The following POTEI variants were observed in gnomAD, a reference collection of about 807,000 sequenced individuals.
POTEI encodes POTE ankyrin domain family member I, also known as POTE ankyrin domain family, member I.
Under a neutral mutation model 43.4 loss-of-function variants are expected in POTEI, and 14 were observed. The observed-to-expected ratio is 0.32, with a 90% CI of 0.21 to 0.50. POTEI has a LOEUF of 0.50. Ranked by LOEUF, POTEI falls within the 20% of genes least tolerant of loss-of-function variation. The pLI is 0.98. For synonymous variants in POTEI, 95 were observed against 297.9 expected (o/e 0.32, Z 7.01); for missense variants, 235 against 795.4 (o/e 0.30, Z 8.47).
chr2:130,497,649 A>T (rs1291189397), intron 5 of POTEI: 2 of 47,440 alleles, frequency 4.2e-5, no homozygotes, highest in Non-Finnish European at 1.1e-4. Context: ...AGAAATCACA[A>T]TTTCAATATT....
rs200194598 is a variant in POTEI at position 130,483,708 on chromosome 2, C to G, written c.1410-1635G>C. On this transcript the variant is annotated intron_variant, in intron 9 of 14. Transcript: ENST00000451531. Reference sequence around the variant, plus strand: ...CTCCTGGGTTCATGCCATTCTCCTGCCTCAGCCTCCATAGCAGCTGGGACT... The same window carrying G: ...CTCCTGGGTTCATGCCATTCTCCTGGCTCAGCCTCCATAGCAGCTGGGACT... 7.5e-5 allele frequency among the ~76,000 whole-genome samples: 11 copies of G among 146,440 alleles called. No individual in the cohort carries two copies. The East Asian group carries it at 2.0e-3, about 27-fold the overall frequency.
In POTEI at chr2:130,494,006, C is replaced by T; in HGVS notation, c.1126+2546G>A. Among the ~76,000 whole-genome samples, 2 of 42,716 alleles carry T rather than the reference C, an allele frequency of 4.7e-5. 1 individual carries two copies. The highest frequency in any genetic ancestry group is 1.1e-4 in the Non-Finnish European group (2 of 18,318). The allele number at this position is 42,716 out of a possible 152,430, so 28.0% of individuals were successfully genotyped here. A position where few individuals can be genotyped will look rare whatever the true frequency, so the allele number is the denominator to read the frequency against. On this transcript the variant is annotated intron_variant, in intron 6 of 14. Transcript: ENST00000451531. ...ACTACTGCAAAAACTTCCTTTGTCT[C>T]CTGGTTTCTTTACATGGTAAAGAAC...
At chr2:130,493,028 T>C (rs1390668917) in intron 6 of POTEI, among the ~76,000 whole-genome samples, 2 of 142,086 alleles carry the variant, frequency 1.4e-5, no homozygotes, top group African/African-American at 5.1e-5. Context: ...TTGCTTTGTT[T>C]AAAGGAAGAA....
chr2:130,461,030 G>C lies in POTEI; in HGVS notation c.*1786C>G, dbSNP rs899577609. On this transcript the variant is annotated 3_prime_UTR_variant, in exon 15 of 15. Coordinates refer to ENST00000451531, the MANE Select transcript of POTEI (RefSeq NM_001277406.2). ...GTCCCTAATTGCCTTGTATTTTCCA[G>C]GGAAGATGATAGTCTGCCCCTTCCT... 2.0e-4 allele frequency: 30 copies of C among 150,450 alleles called. No individual in the cohort carries two copies. The highest frequency in any genetic ancestry group is 4.0e-4 in the African/African-American group (16 of 40,020). 9.3% of individuals were successfully genotyped at this position (150,450 alleles called of 1,614,324 possible). A position where few individuals can be genotyped will look rare whatever the true frequency, so the allele number is the denominator to read the frequency against.
rs1321793393 is a variant in POTEI at position 130,486,584 on chromosome 2, C to T, written c.1409+1448G>A. The stretch of plus-strand genomic sequence containing the variant: ...TCAAGTATTTTGGAACACAGCCATG[C>T]TTATTCACTTTACAGTCCACAGTGT... On this transcript the variant is annotated intron_variant, in intron 9 of 14. Coordinates refer to ENST00000451531, the MANE Select transcript of POTEI (RefSeq NM_001277406.2). Among the ~76,000 whole-genome samples the T allele has an allele frequency of 1.9e-3, 29 of 15,436 alleles. 10 individuals are homozygous for T. Among genetic ancestry groups the T allele is most frequent in the African/African-American group, 3.5e-3 (29 of 8,356 alleles). The allele number at this position is 15,436 out of a possible 152,430, so 10.1% of individuals were successfully genotyped here.
chr2:130,497,887 G>T (rs1573935928), intron 5 of POTEI: 1 of 47,738 alleles, frequency 2.1e-5, no homozygotes, highest in Non-Finnish European at 4.7e-5. Context: ...GATGCGTCAT[G>T]GACAAGGCTT....
Position 130,460,193 on chromosome 2 carries a change from G to A in POTEI, c.*2623C>T, listed in dbSNP as rs898122921. The A allele has an allele frequency of 1.3e-5, 2 of 151,010 alleles. No homozygotes were observed. The highest frequency in any genetic ancestry group is 4.9e-5 in the African/African-American group (2 of 40,422). 9.4% of individuals were successfully genotyped at this position (151,010 alleles called of 1,614,324 possible). A position where few individuals can be genotyped will look rare whatever the true frequency, so the allele number is the denominator to read the frequency against. ...CAGGTGTGGCCAGGCTGGGGCCATG[G>A]GAGAGGCGAGCAGACTAAGGAGTGC... On this transcript the variant is annotated 3_prime_UTR_variant, in exon 15 of 15. Transcript: ENST00000451531.
rs199728291 is a variant in POTEI at position 130,509,085 on chromosome 2, C to T, written c.151G>A (p.Asp51Asn). The change falls in exon 1 of 15, where the codon GAC (aspartate) becomes AAC (asparagine). Residue 51 changes from aspartate to asparagine, a missense_variant. Coordinates refer to ENST00000451531, the MANE Select transcript of POTEI (RefSeq NM_001277406.2). ...SNVGTSGDQD[D>N]STMKTLRSKM... is the part of the protein sequence containing the mutation. ...CTCCTGAGTGTCTTCATAGTGGAGT[C>T]GTCCTGGTCTCCAGAAGTGCCCACG... 13,757 of 1,491,364 alleles carry T rather than the reference C, an allele frequency of 9.2e-3. 579 individuals are homozygous for T. Among genetic ancestry groups the T allele is most frequent in the South Asian group, 0.021 (1,815 of 85,738 alleles). 92.4% of individuals were successfully genotyped at this position (1,491,364 alleles called of 1,614,324 possible). A position where few individuals can be genotyped will look rare whatever the true frequency, so the allele number is the denominator to read the frequency against.
intron 10 of POTEI, among the ~76,000 whole-genome samples, chr2:130,477,090 A>G (rs1683217615): frequency 6.6e-6 from 1 of 150,806 alleles, no homozygotes; most frequent in Non-Finnish European, 1.5e-5. Flanking sequence ...TTAGTGTACA[A>G]CGTCTTCCTA....
chr2:130,502,093 G>T lies in POTEI; in HGVS notation c.810+1353C>A, dbSNP rs1214782606. Among the ~76,000 whole-genome samples, 2 of 48,882 alleles carry T rather than the reference G, an allele frequency of 4.1e-5. 1 individual carries two copies. Among genetic ancestry groups the T allele is most frequent in the Non-Finnish European group, 1.1e-4 (2 of 18,254 alleles). 32.1% of individuals were successfully genotyped at this position (48,882 alleles called of 152,430 possible). On this transcript the variant is annotated intron_variant, in intron 3 of 14. Coordinates refer to ENST00000451531, the MANE Select transcript of POTEI (RefSeq NM_001277406.2). ...AATTGTTGTTGTTGTCGTCGTCGTT[G>T]TTGTTGTTGTTGTTGTTAGAGACAG...
At position 130,507,435 on chromosome 2, in the gene POTEI, C is replaced by T. The variant is rs556426758; in HGVS notation, c.521+1280G>A. On this transcript the variant is annotated intron_variant, in intron 1 of 14. Transcript: ENST00000451531. ...ATATATGTATATATATATATATCTG[C>T]GTATATAAATAGGCATTTATATTTT... Among the ~76,000 whole-genome samples, 47 of 88,868 alleles carry T rather than the reference C, an allele frequency of 5.3e-4. No individual in the cohort carries two copies. In the East Asian group the frequency reaches 8.1e-3, roughly 15 times the overall value. The allele number at this position is 88,868 out of a possible 152,430, so 58.3% of individuals were successfully genotyped here.
chr2:130,467,625 C>A (rs1682876192), intron 13 of POTEI, among the ~76,000 whole-genome samples: 1 of 151,644 alleles, frequency 6.6e-6, no homozygotes, highest in African/African-American at 2.4e-5. Context: ...ATAAATAAGA[C>A]CTAATTAAAC....
In POTEI at chr2:130,461,321, C is replaced by T. The variant is rs1186304599; in HGVS notation, c.*1495G>A. 6.6e-6 allele frequency: 1 copy of T among 152,058 alleles called. No individual in the cohort carries two copies. Among genetic ancestry groups the T allele is most frequent in the African/African-American group, 2.4e-5 (1 of 41,332 alleles). 9.4% of individuals were successfully genotyped at this position (152,058 alleles called of 1,614,324 possible). A position where few individuals can be genotyped will look rare whatever the true frequency, so the allele number is the denominator to read the frequency against. On this transcript the variant is annotated 3_prime_UTR_variant, in exon 15 of 15. Transcript: ENST00000451531. ...CCAACAGCAAAGATGACAATCTGGT[C>T]CTCCCCCTGGGAGCTCTGACTCAGG...
chr2:130,507,331 CACACACATAT>C (rs1289167061), intron 1 of POTEI, among the ~76,000 whole-genome samples: 4 of 61,462 alleles, frequency 6.5e-5, no homozygotes, highest in Admixed American at 3.9e-4. Flanking sequence ...CACACACACA[CACACACATAT>C]ATATGTATAT....
intron 13 of POTEI, among the ~76,000 whole-genome samples, chr2:130,474,056 A>G (rs1210137350): frequency 2.0e-5 from 3 of 147,106 alleles, no homozygotes; most frequent in African/African-American, 5.3e-5. Flanking sequence ...CTGGTGAAAT[A>G]ATCTGTACCC....
At chr2:130,475,163 T>C (rs904085451) in intron 11 of POTEI, among the ~76,000 whole-genome samples, 1 of 115,188 alleles carries the variant, frequency 8.7e-6, no homozygotes, top group Non-Finnish European at 1.7e-5. Context: ...GCCACATCAC[T>C]GGCTTCTAAC....
rs542594571 is a variant in POTEI, at chr2:130,483,876, C to T, written c.1410-1803G>A. ...GATTACAGGTGTGAGCCACCATGCC[C>T]GACCTACGGCAAACATTTTTAAAGT... On this transcript the variant is annotated intron_variant, in intron 9 of 14. Coordinates refer to ENST00000451531, the MANE Select transcript of POTEI (RefSeq NM_001277406.2). 3.6e-4 allele frequency among the ~76,000 whole-genome samples: 54 copies of T among 150,646 alleles called. 1 individual carries two copies. The highest frequency in any genetic ancestry group is 9.9e-4 in the East Asian group (5 of 5,044).
intron 6 of POTEI, among the ~76,000 whole-genome samples, chr2:130,495,001 C>T (rs1272389717): frequency 1.1e-5 from 1 of 92,168 alleles, no homozygotes; most frequent in African/African-American, 3.0e-5. Flanking sequence ...AGCATCTTGT[C>T]TTTTGCACTT....
intron 10 of POTEI, among the ~76,000 whole-genome samples, chr2:130,477,783 G>A (rs1426525057): frequency 7.0e-6 from 1 of 142,782 alleles, no homozygotes; most frequent in Non-Finnish European, 1.5e-5. Flanking sequence ...CCCAAGCAGA[G>A]ACTTAAATAT....
Sources: gnomAD v4.1 joint callset for allele counts (sites outside exome capture counted in the v4.1 genomes callset) on GRCh38, gnomAD v4.1.1 for gene constraint, MANE v1.5 for transcripts, NCBI Gene and HGNC (gene_info 2026-07-23, HGNC 2026-07-21) for gene names.